Variants in HTR3D observed in about 807,000 individuals in gnomAD.
HTR3D encodes 5-hydroxytryptamine (serotonin) receptor 3 family member D.
A neutral mutation model predicts 45.8 loss-of-function variants in HTR3D; 47 were observed. That is an observed-to-expected ratio of 1.03 (90% CI 0.81 to 1.31). The LOEUF (loss-of-function observed/expected upper bound fraction) is 1.31, where lower values mean the gene tolerates loss of function less well. Among genes scored for constraint, HTR3D ranks in the 50% most tolerant of loss-of-function variants. The probability of loss-of-function intolerance (pLI) is 0.00; values close to 1 mark genes in which losing one functional copy is unlikely to be tolerated. For missense variants in HTR3D, 448 were observed against 506.9 expected (o/e 0.88, Z 1.12); for synonymous variants, 203 against 199.8 (o/e 1.02, Z -0.13).
intron 2 of HTR3D, 37 bp downstream of exon 2, chr3:184,035,259 G>A (rs1236212200): frequency 1.3e-6 from 2 of 1,534,060 alleles, no homozygotes; most frequent in Admixed American, 3.9e-5. Context: ...CTCTACTCTG[G>A]TGCCTCTCTT....
rs1723007427 is a variant in HTR3D at position 184,039,063 on chromosome 3, C to T, written c.*88C>T. 6.8e-6 allele frequency: 6 copies of T among 886,780 alleles called. No individual in the cohort carries two copies. In the South Asian group the frequency reaches 8.0e-5, roughly 12 times the overall value. The allele number at this position is 886,780 out of a possible 1,614,324, so 54.9% of individuals were successfully genotyped here. On this transcript the variant is annotated 3_prime_UTR_variant, in exon 8 of 8. Transcript: ENST00000428798. ...TCAGGCTCTCAGTCAGCCTTGTGGC[C>T]CTGTCAACCGCCTCATTTTTAACCC...
intron 3 of HTR3D, 51 bp from the exon 4 acceptor site, chr3:184,036,324 T>A: frequency 6.2e-7 from 1 of 1,600,616 alleles, no homozygotes; most frequent in Non-Finnish European, 8.5e-7. Flanking sequence ...CCAAGTCTGA[T>A]GGGGAAACCC....
At chr3:184,031,960 C>T (rs1722761382) in intron 1 of HTR3D, among the ~76,000 whole-genome samples, 153 bp downstream of exon 1, 1 of 150,352 alleles carries the variant, frequency 6.7e-6, no homozygotes, top group Non-Finnish European at 1.5e-5. Context: ...GTACCTCTTC[C>T]TAGGATCCTA....
intron 5 of HTR3D, among the ~76,000 whole-genome samples, chr3:184,037,525 A>G (rs1174634285): frequency 6.6e-6 from 1 of 152,134 alleles, no homozygotes; most frequent in South Asian, 2.1e-4. Context: ...ATTTTTGTTT[A>G]TTTTTAAAAA....
chr3:184,031,895 T>A, intron 1 of HTR3D, 88 bp downstream of exon 1: 1 of 889,250 alleles, frequency 1.1e-6, no homozygotes. Context: ...TCTGAGATAG[T>A]CAATGATTGG....
intron 1 of HTR3D, among the ~76,000 whole-genome samples, chr3:184,033,847 G>A (rs1447888474): frequency 6.6e-6 from 1 of 152,156 alleles, no homozygotes; most frequent in Admixed American, 6.5e-5. Context: ...AACCCAGGAG[G>A]CAGAGGTTGC....
At chr3:184,037,201 G>A (rs533740173) in intron 5 of HTR3D, among the ~76,000 whole-genome samples, 11 of 151,898 alleles carry the variant, frequency 7.2e-5, no homozygotes, top group African/African-American at 1.9e-4. Flanking sequence ...CACCATGCCC[G>A]GCTAATTTTT....
Position 184,039,049 on chromosome 3 carries a change from G to GTCAATCCAAATT in HTR3D, c.*77_*78insATCCAAATTTCA. The GTCAATCCAAATT allele has an allele frequency of 2.0e-6, 3 of 1,515,750 alleles. No homozygotes were observed. The highest frequency in any genetic ancestry group is 2.3e-5 in the East Asian group (1 of 44,302). The allele number at this position is 1,515,750 out of a possible 1,614,324, so 93.9% of individuals were successfully genotyped here. A position where few individuals can be genotyped will look rare whatever the true frequency, so the allele number is the denominator to read the frequency against. On this transcript the variant is annotated 3_prime_UTR_variant, in exon 8 of 8. Coordinates refer to ENST00000428798, the MANE Select transcript of HTR3D (RefSeq NM_001145143.1). The stretch of plus-strand genomic sequence containing the variant: ...ACTCCAGAAACCAGTCAGGCTCTCA[G>GTCAATCCAAATT]TCAGCCTTGTGGCCCTGTCAACCGC...
chr3:184,034,880 C>T (rs1042123663), intron 1 of HTR3D, among the ~76,000 whole-genome samples: 9 of 152,170 alleles, frequency 5.9e-5, no homozygotes, highest in Non-Finnish European at 1.2e-4. Context: ...GAGGTGCATT[C>T]GGCGGGGGTG....
chr3:184,032,738 G>A (rs1333495911), intron 1 of HTR3D: 6 of 915,108 alleles, frequency 6.6e-6, no homozygotes, highest in Non-Finnish European at 1.0e-5. Context: ...CACCTCATCA[G>A]TTTCCACCAT....
At chr3:184,037,763 G>A (rs550427633) in intron 5 of HTR3D, among the ~76,000 whole-genome samples, 20 of 152,236 alleles carry the variant, frequency 1.3e-4, no homozygotes, top group Non-Finnish European at 2.1e-4. Flanking sequence ...AGAGCACGTC[G>A]GTAGGAATAA....
rs1426908263 is a variant in HTR3D at position 184,038,979 on chromosome 3, G to A, written c.*4G>A. The A allele has an allele frequency of 3.7e-6, 6 of 1,613,716 alleles. No individual in the cohort carries two copies. The highest frequency in any genetic ancestry group is 1.3e-5 in the African/African-American group (1 of 74,892). ...CATATGCCTCTGGAACACCTAGGCA[G>A]GTGCTCACCTGCAAACTTCAGTCTG... On this transcript the variant is annotated 3_prime_UTR_variant, in exon 8 of 8. Transcript: ENST00000428798. The surrounding 1 kb of genome is among the most constrained non-coding windows in gnomAD (Gnocchi z 4.5).
rs376431851 is a variant in HTR3D, at chr3:184,032,844, C to A, written c.66+1037C>A. On this transcript the variant is annotated intron_variant, in intron 1 of 7. Coordinates refer to ENST00000428798, the MANE Select transcript of HTR3D (RefSeq NM_001145143.1). ...TGTTTTCTCTCCATGCAGAAACACT[C>A]TCCAGGCCCCCCAGCCCTGGCCCTC... The A allele has an allele frequency of 1.9e-6, 3 of 1,551,574 alleles. No individual in the cohort carries two copies. The African/African-American group carries it at 4.1e-5, about 21-fold the overall frequency.
upstream of HTR3D, chr3:184,031,680 C>A: frequency 2.5e-6 from 3 of 1,177,766 alleles, no homozygotes; most frequent in South Asian, 1.3e-5. Flanking sequence ...AAGGTGTGAT[C>A]TGAGGTTTTT....
At position 184,038,638 on chromosome 3, in the gene HTR3D, T is replaced by C. The variant is rs6799766; in HGVS notation, c.985+14T>C. The stretch of plus-strand genomic sequence containing the variant: ...CCCACCTGCCCGGTGAGGGAAGTCA[T>C]ACTTCCTCTTCCCCCACCTCCACTT... On this transcript the variant is annotated intron_variant, in intron 7 of 7. Transcript: ENST00000428798. This position sits in a 1 kb window ranked among gnomAD's most constrained non-coding sequence, Gnocchi z 4.5. The C allele has an allele frequency of 0.59, 943,199 of 1,604,618 alleles. 280,503 individuals carry two copies. Among genetic ancestry groups the C allele is most frequent in the African/African-American group, 0.79 (58,648 of 74,638 alleles).
Position 184,036,114 on chromosome 3 carries a change from C to G in HTR3D, c.197+14C>G, listed in dbSNP as rs1253709805. The G allele has an allele frequency of 6.5e-7, 1 of 1,542,716 alleles. No individual in the cohort carries two copies. Among genetic ancestry groups the G allele is most frequent in the Non-Finnish European group, 8.7e-7 (1 of 1,144,322 alleles). On this transcript the variant is annotated intron_variant, in intron 3 of 7. Transcript: ENST00000428798. ...CATCGAGGAGTCGTGAGTCTCAGGCCAAAAAAGCAGAATGGAAACCACGTC... is the reference window on the plus strand; with the variant it reads ...CATCGAGGAGTCGTGAGTCTCAGGCGAAAAAAGCAGAATGGAAACCACGTC...
rs776664511 is a variant in HTR3D, at chr3:184,038,388, T to C, written c.770-21T>C. 2.5e-6 allele frequency: 4 copies of C among 1,613,984 alleles called. No homozygotes were observed. The African/African-American group carries it at 4.0e-5, about 16-fold the overall frequency. ...TTCTAGGTGGCGCCTCTGGCCCTCA[T>C]GCAGACCCCCTTGCCTGCAGGTGTC... On this transcript the variant is annotated intron_variant, in intron 6 of 7. Transcript: ENST00000428798. The surrounding 1 kb of genome is among the most constrained non-coding windows in gnomAD (Gnocchi z 4.5).
In HTR3D at chr3:184,038,020, G is replaced by C. The variant is rs777658532; in HGVS notation, c.517-1G>C. 6.8e-6 allele frequency: 11 copies of C among 1,613,202 alleles called. No individual in the cohort carries two copies. In the South Asian group the frequency reaches 1.1e-4, roughly 16 times the overall value. ...TTGCCCCTCCTTCTCCTCCCCACCA[G>C]GTGGCCATCAGGCGCAGGTGCAGGC... On this transcript the variant is annotated splice_acceptor_variant, in intron 5 of 7. Transcript: ENST00000428798. LOFTEE classifies it high-confidence loss of function. This position sits in a 1 kb window ranked among gnomAD's most constrained non-coding sequence, Gnocchi z 4.5.
rs1452133916 is a variant in HTR3D, at chr3:184,031,826, A to C, written c.66+19A>C. 5.2e-6 allele frequency: 8 copies of C among 1,537,890 alleles called. No homozygotes were observed. The highest frequency in any genetic ancestry group is 7.1e-6 in the Non-Finnish European group (8 of 1,134,484). ...GCTGCAAGTACCTTAAGATAAGAGC[A>C]AGAGCTGAGCAGACATGTAACTCCT... is the stretch of plus-strand genomic sequence containing the variant. On this transcript the variant is annotated intron_variant, in intron 1 of 7. Transcript: ENST00000428798.
Sources: gnomAD v4.1 joint callset for allele counts (sites outside exome capture counted in the v4.1 genomes callset) on GRCh38, gnomAD v4.1.1 for gene constraint, Gnocchi (gnomAD v3.1) non-coding constraint, MANE v1.5 for transcripts, NCBI Gene and HGNC (gene_info 2026-07-23, HGNC 2026-07-21) for gene names.